Variants in PIK3C2A observed in about 807,000 individuals in gnomAD.
PIK3C2A encodes the protein phosphatidylinositol-4-phosphate 3-kinase catalytic subunit type 2 alpha, also known as phosphatidylinositol 4-phosphate 3-kinase C2 domain-containing subunit alpha.
PIK3C2A carries 97 observed loss-of-function variants against 204.5 expected under a neutral mutation model. The observed-to-expected ratio is 0.47, with a 90% CI of 0.40 to 0.56. PIK3C2A has a LOEUF of 0.56. Ranked by LOEUF, PIK3C2A falls within the 20% of genes least tolerant of loss-of-function variation. The probability of loss-of-function intolerance (pLI) is 0.00; values close to 1 mark genes in which losing one functional copy is unlikely to be tolerated. For missense variants in PIK3C2A, 1,735 were observed against 1,969.2 expected, an observed-to-expected ratio of 0.88 and a Z score of 2.25; for synonymous variants, 653 against 664.4, an observed-to-expected ratio of 0.98 and a Z score of 0.26.
In PIK3C2A at chr11:17,099,205, T is replaced by G. The variant is rs1366123503; in HGVS notation, c.4118+655A>C. ...CCACTGCGCCTGGCTGGAAGATCTG[T>G]TTTTAAAGCAATAACAAATTCAAGT... On this transcript the variant is annotated intron_variant, in intron 26 of 32. Coordinates refer to ENST00000691414, the MANE Select transcript of PIK3C2A (RefSeq NM_002645.4). Among the ~76,000 whole-genome samples, 5 of 152,180 alleles carry G rather than the reference T, an allele frequency of 3.3e-5. No individual in the cohort carries two copies. The South Asian group carries it at 1.0e-3, about 32-fold the overall frequency.
At position 17,148,755 on chromosome 11, in the gene PIK3C2A, C is replaced by T; in HGVS notation, c.1360G>A (p.Ala454Thr). ...AAGTCATCATGTACCCAGCAAAGGG[C>T]TTGCATTATAATGATTTCTACAGTA... ...SSTVEIIIMQ[A>T]LCWVHDDLNQ... Residue 454 changes from alanine to threonine, a missense_variant, in exon 5 of 33, where the codon GCC becomes ACC. By Grantham distance (58) the Ala-to-Thr change is moderately conservative. Transcript: ENST00000691414. 1.2e-6 allele frequency: 2 copies of T among 1,612,172 alleles called. No individual in the cohort carries two copies. Among genetic ancestry groups the T allele is most frequent in the Non-Finnish European group, 1.7e-6 (2 of 1,178,496 alleles).
At chr11:17,106,522 G>A (rs565055314) in intron 22 of PIK3C2A, among the ~76,000 whole-genome samples, 1 of 152,306 alleles carries the variant, frequency 6.6e-6, no homozygotes, top group Non-Finnish European at 1.5e-5. Flanking sequence ...AGACTCTCTA[G>A]TCTGTACATC....
intron 22 of PIK3C2A, among the ~76,000 whole-genome samples, chr11:17,109,951 AT>A (rs1555017923): frequency 6.6e-6 from 1 of 151,848 alleles, no homozygotes; most frequent in Non-Finnish European, 1.5e-5. Context: ...GGTTAAAAAA[AT>A]TTTTTTTTAA....
At chr11:17,148,941 T>A (rs1325006253) in intron 4 of PIK3C2A, among the ~76,000 whole-genome samples, 154 bp from the exon 5 acceptor site, 1 of 152,198 alleles carries the variant, frequency 6.6e-6, no homozygotes, top group Admixed American at 6.5e-5. Context: ...AGTTGCCACA[T>A]TGAAAAAAGT....
intron 2 of PIK3C2A, among the ~76,000 whole-genome samples, chr11:17,161,709 A>T (rs926007399): frequency 6.6e-6 from 1 of 152,224 alleles, no homozygotes; most frequent in Non-Finnish European, 1.5e-5. Context: ...TGAGAAGAAA[A>T]ATACCCTCTG....
chr11:17,195,911 C>T lies in PIK3C2A; in HGVS notation c.-66+11937G>A, dbSNP rs532282633. ...AAAATTAGCCAGGCATGGTGGCAGG[C>T]GCCTGCAGTCCCAGCTACTTGGGAG... On this transcript the variant is annotated intron_variant, in intron 1 of 32. Transcript: ENST00000691414. Among the ~76,000 whole-genome samples, 11 of 151,784 alleles carry T rather than the reference C, an allele frequency of 7.2e-5. No homozygotes were observed. In the East Asian group the frequency reaches 1.9e-3, roughly 27 times the overall value.
chr11:17,206,625 A>G (rs951040820), intron 1 of PIK3C2A, among the ~76,000 whole-genome samples: 6 of 151,404 alleles, frequency 4.0e-5, no homozygotes, highest in African/African-American at 1.5e-4. Flanking sequence ...CAACTATGGC[A>G]GAGCTGCTAA....
chr11:17,095,940 C>A (rs1295328297), intron 27 of PIK3C2A, among the ~76,000 whole-genome samples: 2 of 149,676 alleles, frequency 1.3e-5, no homozygotes, highest in Non-Finnish European at 3.0e-5. Context: ...AATAAAATAA[C>A]ATAACATAAA....
In PIK3C2A at chr11:17,154,537, C is replaced by A. The variant is rs145094771; in HGVS notation, c.1169+989G>T. 4.4e-4 allele frequency among the ~76,000 whole-genome samples: 67 copies of A among 152,262 alleles called. No individual in the cohort carries two copies. The East Asian group carries it at 0.011, about 25-fold the overall frequency. On this transcript the variant is annotated intron_variant, in intron 3 of 32. Transcript: ENST00000691414. The stretch of plus-strand genomic sequence containing the variant: ...CAATGCTGGATTCAGAAAAAAATCT[C>A]CCAGTGGTGATCTACTTCCCTTTTT...
At chr11:17,133,243 TTGTG>T (rs1289506297) in intron 11 of PIK3C2A, among the ~76,000 whole-genome samples, 5 of 152,092 alleles carry the variant, frequency 3.3e-5, no homozygotes, top group Non-Finnish European at 7.4e-5. Flanking sequence ...CTATGTATAT[TTGTG>T]TGTGTCTATG....
At chr11:17,178,794 A>G (rs1164117940) in intron 1 of PIK3C2A, among the ~76,000 whole-genome samples, 1 of 146,718 alleles carries the variant, frequency 6.8e-6, no homozygotes, top group Non-Finnish European at 1.5e-5. Flanking sequence ...CAGTGGCGCA[A>G]TCTCAGCTCA....
chr11:17,091,993 C>T lies in PIK3C2A; in HGVS notation c.4642+3G>A. On this transcript the variant is annotated splice_donor_region_variant and intron_variant, in intron 30 of 32. Coordinates refer to ENST00000691414, the MANE Select transcript of PIK3C2A (RefSeq NM_002645.4). ...CCAATAAAGAGAAAAAAAATAATCTCACCTGCAGACCTAGCTATCCCTTCA... is the reference window on the plus strand; with the variant it reads ...CCAATAAAGAGAAAAAAAATAATCTTACCTGCAGACCTAGCTATCCCTTCA... 6.3e-7 allele frequency: 1 copy of T among 1,589,798 alleles called. No individual in the cohort carries two copies. Among genetic ancestry groups the T allele is most frequent in the Non-Finnish European group, 8.6e-7 (1 of 1,158,394 alleles).
chr11:17,107,563 G>C (rs1384394742), intron 22 of PIK3C2A, among the ~76,000 whole-genome samples: 2 of 152,146 alleles, frequency 1.3e-5, no homozygotes, highest in African/African-American at 4.8e-5. Context: ...ACCTAGAATT[G>C]AGGATAAAGG....
intron 1 of PIK3C2A, among the ~76,000 whole-genome samples, chr11:17,188,552 C>A (rs1202994747): frequency 1.4e-5 from 2 of 146,664 alleles, no homozygotes; most frequent in South Asian, 4.2e-4. Flanking sequence ...TGTAGGCTAG[C>A]ATGACAGATT....
intron 2 of PIK3C2A, among the ~76,000 whole-genome samples, chr11:17,159,365 A>G (rs905641869): frequency 1.8e-4 from 28 of 152,250 alleles, no homozygotes; most frequent in African/African-American, 6.8e-4. Context: ...CTGCCAATGC[A>G]TTAGCCAATA....
intron 24 of PIK3C2A, among the ~76,000 whole-genome samples, chr11:17,101,846 G>A (rs746031728): frequency 3.7e-4 from 56 of 151,710 alleles, no homozygotes; most frequent in East Asian, 1.8e-3. Flanking sequence ...CTTGTGATCC[G>A]CCCGCCTTGG....
intron 11 of PIK3C2A, among the ~76,000 whole-genome samples, chr11:17,133,552 T>G (rs1849772904): frequency 6.6e-6 from 1 of 152,200 alleles, no homozygotes; most frequent in Admixed American, 6.5e-5. Context: ...TCAGTAGACT[T>G]TTTTATAGCA....
chr11:17,178,345 G>C (rs1427443274), intron 1 of PIK3C2A, among the ~76,000 whole-genome samples: 1 of 152,056 alleles, frequency 6.6e-6, no homozygotes, highest in Non-Finnish European at 1.5e-5. Flanking sequence ...AAGGTATCTA[G>C]TGAACAGTGC....
At chr11:17,148,311 T>C (rs1850314040) in intron 5 of PIK3C2A, 1 of 164,714 alleles carries the variant, frequency 6.1e-6, no homozygotes, top group Non-Finnish European at 1.3e-5. Context: ...CTACTGTGCA[T>C]AAAGTAACAG....
Sources: allele counts gnomAD v4.1 joint callset (sites outside exome capture counted in the v4.1 genomes callset), GRCh38; gene constraint gnomAD v4.1.1; transcripts MANE v1.5; gene names NCBI Gene and HGNC (gene_info 2026-07-23, HGNC 2026-07-21).